SLCO5A1: variants seen among roughly 807,000 people sequenced by gnomAD.
The protein encoded by SLCO5A1 is solute carrier organic anion transporter family member 5A1.
A neutral mutation model predicts 65.1 loss-of-function variants in SLCO5A1; 39 were observed. The observed-to-expected ratio is 0.60, with a 90% confidence interval of 0.46 to 0.78. The LOEUF is 0.78. SLCO5A1 is among the 30% of genes least tolerant of loss of function. The probability of loss-of-function intolerance (pLI) is 0.00; values close to 1 mark genes in which losing one functional copy is unlikely to be tolerated. For synonymous variants in SLCO5A1, 438 were observed against 415.7 expected, an observed-to-expected ratio of 1.05 and a Z score of -0.65; for missense variants, 1,029 against 1,069.4, an observed-to-expected ratio of 0.96 and a Z score of 0.53.
At chr8:69,797,797 C>A (rs1182656472) in intron 2 of SLCO5A1, among the ~76,000 whole-genome samples, 1 of 152,202 alleles carries the variant, frequency 6.6e-6, no homozygotes, top group South Asian at 2.1e-4. Flanking sequence ...AATGACAATG[C>A]GTGCCCAAAA....
At position 69,672,858 on chromosome 8, in the gene SLCO5A1, A is replaced by G. The variant is rs968836744; in HGVS notation, c.*11T>C. The G allele has an allele frequency of 1.3e-5, 20 of 1,580,888 alleles. No homozygotes were observed. In the Admixed American group the frequency reaches 3.8e-4, roughly 30 times the overall value. Reference sequence around the variant, plus strand: ...TCAACCAACAAAACTAAATTCTTCCATTTTCAAGCTTCAGGAGGGCGGCTC... The same window carrying G: ...TCAACCAACAAAACTAAATTCTTCCGTTTTCAAGCTTCAGGAGGGCGGCTC... On this transcript the variant is annotated 3_prime_UTR_variant, in exon 10 of 10. Coordinates refer to ENST00000260126, the MANE Select transcript of SLCO5A1 (RefSeq NM_030958.3).
chr8:69,682,303 A>G lies in SLCO5A1; in HGVS notation c.1663T>C (p.Cys555Arg). Residue 555 changes from cysteine (C) to arginine (R), a missense_variant, in exon 7 of 10, where the codon TGC (cysteine) becomes CGC (arginine). Physicochemically the swap from Cys to Arg is radical, Grantham distance 180 (BLOSUM62 -3). Around this residue, in one of 3 missense-constraint regions of SLCO5A1, gnomAD observed 124 missense variants for 184.5 expected, o/e 0.67. Coordinates refer to ENST00000260126, the MANE Select transcript of SLCO5A1 (RefSeq NM_030958.3). ...TMPHRNLTGS[C>R]NVNCGCKIHE... ...ATTTTACAACCACAATTAACGTTGCAGCTTCCTGTCAGATTCCTATGGGGC... is the reference window on the plus strand; with the variant it reads ...ATTTTACAACCACAATTAACGTTGCGGCTTCCTGTCAGATTCCTATGGGGC... 6.2e-7 allele frequency: 1 copy of G among 1,611,168 alleles called. No individual in the cohort carries two copies. Among genetic ancestry groups the G allele is most frequent in the South Asian group, 1.1e-5 (1 of 90,454 alleles).
At position 69,831,971 on chromosome 8, in the gene SLCO5A1, C is replaced by A; in HGVS notation, c.703G>T (p.Gly235Cys). 6.3e-7 allele frequency: 1 copy of A among 1,593,078 alleles called. No individual in the cohort carries two copies. Among genetic ancestry groups the A allele is most frequent in the Non-Finnish European group, 8.5e-7 (1 of 1,170,468 alleles). The change falls in exon 2 of 10, where the codon GGC becomes TGC. Residue 235 changes from glycine to cysteine, a missense_variant. Coordinates refer to ENST00000260126, the MANE Select transcript of SLCO5A1 (RefSeq NM_030958.3). ...GTGGAGTTGCCACCCTGACACAGGC[C>A]GTCGTTGGGGGCCGAGGCGTTCAAC... Reference protein sequence around the residue: ...QELNASAPNDGLCQGGNSTAT... With the variant: ...QELNASAPNDCLCQGGNSTAT...
chr8:69,679,679 A>G lies in SLCO5A1; in HGVS notation c.1783-60T>C. On this transcript the variant is annotated intron_variant, in intron 7 of 9. Coordinates refer to ENST00000260126, the MANE Select transcript of SLCO5A1 (RefSeq NM_030958.3). ...CTCAAAAGCTAACTGTGGCATAAGA[A>G]TATTAAGACAAAGTTAAGTAAAAGT... 2.5e-6 allele frequency: 4 copies of G among 1,581,456 alleles called. 1 individual carries two copies. The South Asian group carries it at 3.5e-5, about 14-fold the overall frequency.
intron 5 of SLCO5A1, among the ~76,000 whole-genome samples, chr8:69,707,331 G>A (rs1350335825): frequency 6.6e-6 from 1 of 152,094 alleles, no homozygotes; most frequent in African/African-American, 2.4e-5. Context: ...AGTATTTGAG[G>A]TGAATCTCAA....
chr8:69,753,274 AG>A (rs1817399533), intron 4 of SLCO5A1, among the ~76,000 whole-genome samples: 1 of 152,154 alleles, frequency 6.6e-6, no homozygotes, highest in African/African-American at 2.4e-5. Flanking sequence ...CAAGAGGGGC[AG>A]GAGCTGCGGT....
At chr8:69,766,841 A>T (rs541553269) in intron 2 of SLCO5A1, among the ~76,000 whole-genome samples, 25 of 152,170 alleles carry the variant, frequency 1.6e-4, no homozygotes, top group Non-Finnish European at 2.5e-4. Flanking sequence ...CTATGTCCCC[A>T]GTGCCCTGCG....
At chr8:69,763,828 A>T (rs1817923287) in intron 2 of SLCO5A1, among the ~76,000 whole-genome samples, 1 of 151,988 alleles carries the variant, frequency 6.6e-6, no homozygotes, top group South Asian at 2.1e-4. Flanking sequence ...TTCCAAACCT[A>T]ATTTTTTCCT....
chr8:69,814,704 G>T (rs1052928947), intron 2 of SLCO5A1, among the ~76,000 whole-genome samples: 29 of 152,238 alleles, frequency 1.9e-4, no homozygotes, highest in African/African-American at 6.7e-4. Flanking sequence ...AAATCACTTT[G>T]TCAAGGAGAT....
chr8:69,833,260 G>A (rs1271239782), intron 1 of SLCO5A1, 91 bp from the exon 2 acceptor site: 2 of 154,594 alleles, frequency 1.3e-5, no homozygotes, highest in Non-Finnish European at 2.9e-5. Context: ...AGGTGACCCC[G>A]AACCGTCCCT....
rs1268538648 is a variant in SLCO5A1 at position 69,721,157 on chromosome 8, C to T, written c.1424-15928G>A. ...CCTCCTTCCTCCTTCCATTTTGCTA[C>T]TTGAAATGCAGACATAATAACTGGA... On this transcript the variant is annotated intron_variant, in intron 5 of 9. Transcript: ENST00000260126. Among the ~76,000 whole-genome samples, 7 of 152,298 alleles carry T rather than the reference C, an allele frequency of 4.6e-5. No individual in the cohort carries two copies. The South Asian group carries it at 1.4e-3, about 32-fold the overall frequency.
At chr8:69,716,588 T>C (rs1461416439) in intron 5 of SLCO5A1, among the ~76,000 whole-genome samples, 1 of 152,224 alleles carries the variant, frequency 6.6e-6, no homozygotes, top group Non-Finnish European at 1.5e-5. Context: ...TGAGCATCTT[T>C]CCATGTGCTT....
chr8:69,668,478 T>C lies in SLCO5A1; in HGVS notation c.*4391A>G, dbSNP rs1586662366. 1 of 152,238 alleles carries C rather than the reference T, an allele frequency of 6.6e-6. No individual in the cohort carries two copies. Among genetic ancestry groups the C allele is most frequent in the South Asian group, 2.1e-4 (1 of 4,834 alleles). The allele number at this position is 152,238 out of a possible 1,614,324, so 9.4% of individuals were successfully genotyped here. A position where few individuals can be genotyped will look rare whatever the true frequency, so the allele number is the denominator to read the frequency against. ...GTATGCACCTACATATCAATAGTTATATTCATGTGCTGTGTCATCTCTGAT... is the reference window on the plus strand; with the variant it reads ...GTATGCACCTACATATCAATAGTTACATTCATGTGCTGTGTCATCTCTGAT... On this transcript the variant is annotated 3_prime_UTR_variant, in exon 10 of 10. Transcript: ENST00000260126.
intron 2 of SLCO5A1, among the ~76,000 whole-genome samples, chr8:69,829,325 C>T (rs1821063666): frequency 6.6e-6 from 1 of 152,152 alleles, no homozygotes; most frequent in Non-Finnish European, 1.5e-5. Context: ...TGATCAGATA[C>T]ATCTAGAATG....
intron 2 of SLCO5A1, among the ~76,000 whole-genome samples, chr8:69,811,547 T>C (rs1164346362): frequency 6.6e-6 from 1 of 152,054 alleles, no homozygotes; most frequent in Non-Finnish European, 1.5e-5. Flanking sequence ...TTCTTATGCC[T>C]CTTGGCTCAG....
intron 4 of SLCO5A1, among the ~76,000 whole-genome samples, chr8:69,747,600 T>C (rs753920811): frequency 5.3e-5 from 8 of 152,176 alleles, no homozygotes; most frequent in Non-Finnish European, 8.8e-5. Flanking sequence ...TATATGCAAA[T>C]ACTGCACCAT....
Position 69,809,733 on chromosome 8 carries a change from G to GGTGTGTGTGTGT in SLCO5A1, c.907+22022_907+22033dup, listed in dbSNP as rs111791623. On this transcript the variant is annotated intron_variant, in intron 2 of 9. Coordinates refer to ENST00000260126, the MANE Select transcript of SLCO5A1 (RefSeq NM_030958.3). Reference sequence around the variant, plus strand: ...ATACAGCTACCGATCTAAGGAGTGTGGTGTGTGTGTGTGTGTGTGTGTTTT... The same window carrying GGTGTGTGTGTGT: ...ATACAGCTACCGATCTAAGGAGTGTGGTGTGTGTGTGTGTGTGTGTGTGTGTGTGTGTGTTTT... 3.8e-3 allele frequency among the ~76,000 whole-genome samples: 574 copies of GGTGTGTGTGTGT among 149,278 alleles called. 5 individuals are homozygous for GGTGTGTGTGTGT. Among genetic ancestry groups the GGTGTGTGTGTGT allele is most frequent in the South Asian group, 0.021 (99 of 4,688 alleles).
intron 2 of SLCO5A1, among the ~76,000 whole-genome samples, chr8:69,819,779 T>C (rs1265279132): frequency 2.0e-5 from 3 of 152,120 alleles, no homozygotes; most frequent in Non-Finnish European, 4.4e-5. Flanking sequence ...CTGGCCAACA[T>C]GGAGAAACCC....
intron 5 of SLCO5A1, among the ~76,000 whole-genome samples, chr8:69,705,557 C>A (rs917723967): frequency 6.6e-6 from 1 of 152,142 alleles, no homozygotes; most frequent in African/African-American, 2.4e-5. Context: ...GGGTCAACCT[C>A]ATTACACAGA....
Sources: allele counts gnomAD v4.1 joint callset (sites outside exome capture counted in the v4.1 genomes callset), GRCh38; gene constraint gnomAD v4.1.1; regional missense constraint gnomAD v4.1.1; transcripts MANE v1.5; gene names NCBI Gene and HGNC (gene_info 2026-07-23, HGNC 2026-07-21).